Variants in COL5A1 observed in about 807,000 individuals in gnomAD.
COL5A1 encodes collagen alpha-1(V) chain.
COL5A1 carries 16 observed loss-of-function variants against 263.7 expected under a neutral mutation model. That is an observed-to-expected ratio of 0.06 (90% confidence interval 0.04 to 0.09). The LOEUF (loss-of-function observed/expected upper bound fraction) is 0.09. COL5A1 is among the 10% of genes least tolerant of loss of function. The probability of loss-of-function intolerance (pLI) is 1.00; values close to 1 mark genes in which losing one functional copy is unlikely to be tolerated. For synonymous variants in COL5A1, 1,012 were observed against 1,004.5 expected (o/e 1.01, Z -0.14); for missense variants, 2,036 against 2,540.5 (o/e 0.80, Z 4.27).
intron 2 of COL5A1, among the ~76,000 whole-genome samples, chr9:134,695,296 T>C (rs550770607): frequency 6.6e-6 from 1 of 151,510 alleles, no homozygotes; most frequent in Non-Finnish European, 1.5e-5. Context: ...GTGGCTCTCC[T>C]GCACCCTGGG....
In COL5A1 at chr9:134,829,968, A is replaced by G; in HGVS notation, c.5068-8A>G. Reference sequence around the variant, plus strand: ...CTCTCCCTCCCCACCTCCCCGCTGCATGTTTAGGCCAGAATCACTTCTTGG... The same window carrying G: ...CTCTCCCTCCCCACCTCCCCGCTGCGTGTTTAGGCCAGAATCACTTCTTGG... On this transcript the variant is annotated splice_polypyrimidine_tract_variant and splice_region_variant and intron_variant, in intron 63 of 65. Coordinates refer to ENST00000371817, the MANE Select transcript of COL5A1 (RefSeq NM_000093.5). The G allele has an allele frequency of 6.2e-7, 1 of 1,612,782 alleles. No homozygotes were observed. The highest frequency in any genetic ancestry group is 8.5e-7 in the Non-Finnish European group (1 of 1,179,590).
intron 9 of COL5A1, among the ~76,000 whole-genome samples, chr9:134,737,237 T>G (rs905707390): frequency 6.6e-6 from 1 of 152,202 alleles, no homozygotes; most frequent in Non-Finnish European, 1.5e-5. Flanking sequence ...GTTCCTGCCT[T>G]CCTTCCCTGC....
intron 61 of COL5A1, among the ~76,000 whole-genome samples, chr9:134,824,008 TATGTGC>T (rs1213574543): frequency 6.8e-6 from 1 of 147,690 alleles, no homozygotes; most frequent in Admixed American, 6.6e-5. Flanking sequence ...GTCTGGGATA[TATGTGC>T]ATGTGTGTGT....
intron 1 of COL5A1, among the ~76,000 whole-genome samples, chr9:134,672,916 T>C (rs10858266): frequency 0.68 from 103,309 of 152,114 alleles, 35,612 homozygotes; most frequent in South Asian, 0.82. Context: ...GTTACAACAA[T>C]ATTAAAAATA....
intron 1 of COL5A1, among the ~76,000 whole-genome samples, chr9:134,651,704 A>C (rs1042831489): frequency 6.6e-6 from 1 of 152,088 alleles, no homozygotes; most frequent in African/African-American, 2.4e-5. Flanking sequence ...CCCGTTGCCC[A>C]TGGGCTCTGC....
At chr9:134,733,243 C>T (rs1834968651) in intron 9 of COL5A1, among the ~76,000 whole-genome samples, 3 of 152,210 alleles carry the variant, frequency 2.0e-5, no homozygotes, top group Admixed American at 2.0e-4. Flanking sequence ...TGGGGACATT[C>T]TCTTGGAACC....
intron 4 of COL5A1, among the ~76,000 whole-genome samples, chr9:134,712,860 C>T (rs1267588505): frequency 6.6e-6 from 1 of 151,994 alleles, no homozygotes; most frequent in Non-Finnish European, 1.5e-5. Context: ...CAGGTCTCCC[C>T]TGGACGCCTT....
rs755243737 is a variant in COL5A1 at position 134,815,633 on chromosome 9, G to C, written c.4068+4G>C. Reference sequence around the variant, plus strand: ...CCCCGGAGAGCCTGGCCCCGCGGTAGGTGCTCAAGAGGGCAAAGCCACCGG... The same window carrying C: ...CCCCGGAGAGCCTGGCCCCGCGGTACGTGCTCAAGAGGGCAAAGCCACCGG... On this transcript the variant is annotated splice_donor_region_variant and intron_variant, in intron 51 of 65. Transcript: ENST00000371817. 1.2e-6 allele frequency: 2 copies of C among 1,613,490 alleles called. No individual in the cohort carries two copies. Among genetic ancestry groups the C allele is most frequent in the East Asian group, 4.5e-5 (2 of 44,880 alleles).
intron 32 of COL5A1, among the ~76,000 whole-genome samples, chr9:134,790,254 G>T (rs1837619094): frequency 6.6e-6 from 1 of 152,154 alleles, no homozygotes; most frequent in African/African-American, 2.4e-5. Flanking sequence ...ACAGACCCAA[G>T]GAGACTATTA....
chr9:134,761,771 C>T (rs552632643), intron 18 of COL5A1, among the ~76,000 whole-genome samples, 154 bp from the exon 19 acceptor site: 14 of 152,346 alleles, frequency 9.2e-5, no homozygotes, highest in African/African-American at 3.4e-4. Flanking sequence ...CTGAGGCACA[C>T]GTGATCTTCT....
At chr9:134,687,553 G>T (rs1833124136) in intron 1 of COL5A1, among the ~76,000 whole-genome samples, 1 of 152,176 alleles carries the variant, frequency 6.6e-6, no homozygotes, top group African/African-American at 2.4e-5. Flanking sequence ...GGGTTCCATG[G>T]AATCAACAAA....
rs560106611 is a variant in COL5A1 at position 134,842,175 on chromosome 9, A to C, written c.5389A>C (p.Lys1797Gln). Residue 1797 changes from lysine (K) to glutamine (Q), a missense_variant, in exon 66 of 66, where the codon AAG becomes CAG. By Grantham distance (53) the Lys-to-Gln change is moderately conservative (BLOSUM62 1). This residue lies in a region of COL5A1 where 358 missense variants were observed against 384.6 expected (regional missense o/e 0.93). Coordinates refer to ENST00000371817, the MANE Select transcript of COL5A1 (RefSeq NM_000093.5). The surrounding 1 kb of genome is among the most constrained non-coding windows in gnomAD (Gnocchi z 5.8). ...TCCCCAGACCAAGAAAGGCTACCAG[A>C]AGACGGTTCTGGAGATCGACACCCC... ...DGCATKKGYQ[K>Q]TVLEIDTPKV... 25 of 1,614,122 alleles carry C rather than the reference A, an allele frequency of 1.5e-5. No homozygotes were observed. The African/African-American group carries it at 2.0e-4, about 13-fold the overall frequency.
At chr9:134,759,816 A>C (rs1836221646) in intron 18 of COL5A1, among the ~76,000 whole-genome samples, 1 of 69,444 alleles carries the variant, frequency 1.4e-5, no homozygotes, top group Non-Finnish European at 2.3e-5. Flanking sequence ...GCACACACGC[A>C]TACACACCCA....
At chr9:134,731,411 GC>G (rs1362985699) in intron 7 of COL5A1, 84 bp from the exon 8 acceptor site, 3 of 1,395,378 alleles carry the variant, frequency 2.1e-6, no homozygotes, top group Non-Finnish European at 3.0e-6. Flanking sequence ...TGACCGGATA[GC>G]CACAGTGCCC....
intron 37 of COL5A1, among the ~76,000 whole-genome samples, chr9:134,799,395 G>A (rs1016546574): frequency 3.3e-5 from 5 of 152,320 alleles, no homozygotes; most frequent in Admixed American, 2.6e-4. Flanking sequence ...TGACTTCCTC[G>A]TCACCACGCT....
chr9:134,731,925 C>A, intron 8 of COL5A1, 146 bp from the exon 9 acceptor site: 1 of 1,001,710 alleles, frequency 1.0e-6, no homozygotes, highest in Non-Finnish European at 1.6e-6. Flanking sequence ...CTCTGTCACG[C>A]TCCTGCCATC....
intron 9 of COL5A1, among the ~76,000 whole-genome samples, chr9:134,733,684 C>T (rs1025841518): frequency 3.3e-5 from 5 of 152,234 alleles, no homozygotes; most frequent in African/African-American, 7.2e-5. Context: ...GAGTGACTGC[C>T]GTCCGCCTGG....
At chr9:134,672,155 T>G (rs138214115) in intron 1 of COL5A1, among the ~76,000 whole-genome samples, 51 of 152,382 alleles carry the variant, frequency 3.3e-4, no homozygotes, top group Admixed American at 2.5e-3. Flanking sequence ...ATGTTAAATA[T>G]CTATGTACTT....
intron 2 of COL5A1, among the ~76,000 whole-genome samples, chr9:134,693,678 C>T (rs535959447): frequency 7.2e-5 from 11 of 152,308 alleles, no homozygotes; most frequent in Middle Eastern, 3.4e-3. Context: ...CGCCATACCC[C>T]GCCTCGCCCC....
Sources: gnomAD v4.1 joint callset for allele counts (sites outside exome capture counted in the v4.1 genomes callset) on GRCh38, gnomAD v4.1.1 for gene constraint, gnomAD v4.1.1 regional missense constraint, Gnocchi (gnomAD v3.1) non-coding constraint, MANE v1.5 for transcripts, NCBI Gene and HGNC (gene_info 2026-07-23, HGNC 2026-07-21) for gene names.